The following RGS17 variants were observed in gnomAD, a reference collection of about 807,000 sequenced individuals.
RGS17 encodes the protein regulator of G protein signaling 17, also known as regulator of G-protein signaling 17.
A neutral mutation model predicts 25.5 loss-of-function variants in RGS17; 12 were observed. The observed-to-expected ratio is 0.47, with a 90% confidence interval of 0.30 to 0.76. The LOEUF is 0.76. Ranked by LOEUF, RGS17 falls within the 30% of genes least tolerant of loss-of-function variation. The pLI, the probability that RGS17 is intolerant of heterozygous loss-of-function variation, is 0.07. For missense variants in RGS17, 196 were observed against 242.2 expected, an observed-to-expected ratio of 0.81 and a Z score of 1.27; for synonymous variants, 71 against 76.9, an observed-to-expected ratio of 0.92 and a Z score of 0.40.
chr6:153,031,944 A>G (rs1459361537), intron 2 of RGS17, among the ~76,000 whole-genome samples: 1 of 152,176 alleles, frequency 6.6e-6, no homozygotes, highest in Non-Finnish European at 1.5e-5. Context: ...GGAAGGACAA[A>G]AGTAACACCG....
chr6:153,026,374 AGGG>A, intron 3 of RGS17, 77 bp downstream of exon 3: 1 of 849,172 alleles, frequency 1.2e-6, no homozygotes, highest in South Asian at 2.2e-5. Context: ...CCATGAAGCA[AGGG>A]GTAATACTGA....
chr6:153,071,021 G>A (rs1309551606), intron 1 of RGS17, among the ~76,000 whole-genome samples: 2 of 147,464 alleles, frequency 1.4e-5, no homozygotes, highest in African/African-American at 5.2e-5. Context: ...GCACGTATGT[G>A]TATATGTATA....
chr6:153,093,137 G>T (rs1412930026), intron 1 of RGS17, among the ~76,000 whole-genome samples: 1 of 152,150 alleles, frequency 6.6e-6, no homozygotes, highest in Non-Finnish European at 1.5e-5. Context: ...CATACATCTA[G>T]TGTCTCATTT....
chr6:153,078,610 A>ATAG (rs139505519), intron 1 of RGS17, among the ~76,000 whole-genome samples: 1 of 151,710 alleles, frequency 6.6e-6, no homozygotes, highest in Non-Finnish European at 1.5e-5. Context: ...TAGTAAAATA[A>ATAG]TACTTTATTA....
At chr6:153,018,326 A>G (rs1779206283) in intron 4 of RGS17, among the ~76,000 whole-genome samples, 1 of 152,238 alleles carries the variant, frequency 6.6e-6, no homozygotes, top group South Asian at 2.1e-4. Context: ...TTGGAATCAG[A>G]AGATCTTGGG....
intron 1 of RGS17, among the ~76,000 whole-genome samples, chr6:153,096,254 G>A: frequency 6.6e-6 from 1 of 152,198 alleles, no homozygotes; most frequent in East Asian, 1.9e-4. Flanking sequence ...AGTAGCAAGT[G>A]CTGAGGAAAA....
chr6:153,067,143 G>A (rs556280853), intron 1 of RGS17, among the ~76,000 whole-genome samples: 11 of 152,074 alleles, frequency 7.2e-5, no homozygotes, highest in African/African-American at 1.2e-4. Flanking sequence ...TCAAAAAACC[G>A]GGTATAGAAG....
chr6:153,054,426 G>T (rs1165801852), intron 1 of RGS17, among the ~76,000 whole-genome samples: 1 of 151,624 alleles, frequency 6.6e-6, no homozygotes, highest in Non-Finnish European at 1.5e-5. Context: ...GAGATGAGCA[G>T]ATCACTTCAG....
chr6:153,119,665 C>G (rs1777596826), intron 1 of RGS17, among the ~76,000 whole-genome samples: 1 of 152,168 alleles, frequency 6.6e-6, no homozygotes, highest in Non-Finnish European at 1.5e-5. Context: ...TGCACTCCAG[C>G]CTGGGCAACA....
chr6:153,015,709 A>T (rs932670036), intron 4 of RGS17, among the ~76,000 whole-genome samples: 1 of 150,898 alleles, frequency 6.6e-6, no homozygotes, highest in East Asian at 2.0e-4. Flanking sequence ...GCTGGAGTGC[A>T]GTGGCGCGAT....
chr6:153,105,917 A>G (rs1241623076), intron 1 of RGS17, among the ~76,000 whole-genome samples: 1 of 152,186 alleles, frequency 6.6e-6, no homozygotes, highest in African/African-American at 2.4e-5. Context: ...CAGGAGTCTC[A>G]TGTGAACACT....
intron 1 of RGS17, among the ~76,000 whole-genome samples, chr6:153,119,443 C>T (rs539527117): frequency 6.6e-6 from 1 of 152,318 alleles, no homozygotes; most frequent in Admixed American, 6.5e-5. Context: ...GTAATCCCAG[C>T]ACTTTGGGAG....
intron 4 of RGS17, among the ~76,000 whole-genome samples, chr6:153,014,067 G>A (rs1307020196): frequency 6.6e-6 from 1 of 152,198 alleles, no homozygotes. Context: ...AGGACTTTCA[G>A]AGCCAGAGAG....
At chr6:153,016,438 A>C (rs754068584) in intron 4 of RGS17, among the ~76,000 whole-genome samples, 1 of 151,992 alleles carries the variant, frequency 6.6e-6, no homozygotes, top group Non-Finnish European at 1.5e-5. Flanking sequence ...CTTACATTAG[A>C]GATTAAAAAA....
chr6:153,040,390 T>G (rs888190966), intron 2 of RGS17, among the ~76,000 whole-genome samples: 3 of 152,078 alleles, frequency 2.0e-5, no homozygotes, highest in African/African-American at 7.2e-5. Context: ...GAGCTGACAA[T>G]GAAATATGAA....
At chr6:153,108,413 C>T (rs1445014654) in intron 1 of RGS17, among the ~76,000 whole-genome samples, 1 of 152,066 alleles carries the variant, frequency 6.6e-6, no homozygotes, top group Non-Finnish European at 1.5e-5. Flanking sequence ...AGGCAAATGG[C>T]AGAAATGGCA....
rs1214265033 is a variant in RGS17 at position 153,005,308 on chromosome 6, T to G, written c.*6266A>C. The stretch of plus-strand genomic sequence containing the variant: ...ATTAGGTGAATATTCAGGCTAAGAC[T>G]TCTGGAGTTTTATTTTTCCACTTCA... On this transcript the variant is annotated 3_prime_UTR_variant, in exon 5 of 5. Transcript: ENST00000206262. The G allele has an allele frequency of 1.3e-5, 2 of 152,202 alleles. No individual in the cohort carries two copies. Among genetic ancestry groups the G allele is most frequent in the Non-Finnish European group, 2.9e-5 (2 of 68,038 alleles). The allele number at this position is 152,202 out of a possible 1,614,324, so 9.4% of individuals were successfully genotyped here. A position where few individuals can be genotyped will look rare whatever the true frequency, so the allele number is the denominator to read the frequency against.
At chr6:153,122,829 A>G (rs543870355) in intron 1 of RGS17, among the ~76,000 whole-genome samples, 7 of 152,106 alleles carry the variant, frequency 4.6e-5, no homozygotes, top group Non-Finnish European at 8.8e-5. Context: ...AATACTAATA[A>G]CAATAATAAT....
intron 1 of RGS17, among the ~76,000 whole-genome samples, chr6:153,092,452 T>C (rs1283275596): frequency 6.6e-6 from 1 of 152,216 alleles, no homozygotes; most frequent in Non-Finnish European, 1.5e-5. Flanking sequence ...TATTTTGGTA[T>C]CAGTTCTCTA....
Sources: gnomAD v4.1 joint callset for allele counts (sites outside exome capture counted in the v4.1 genomes callset) on GRCh38, gnomAD v4.1.1 for gene constraint, MANE v1.5 for transcripts, NCBI Gene and HGNC (gene_info 2026-07-23, HGNC 2026-07-21) for gene names.